Variants in EPHA6 observed in about 807,000 individuals in gnomAD.
EPHA6 encodes EPH receptor A6.
EPHA6 carries 50 observed loss-of-function variants against 112.0 expected under a neutral mutation model. That is an observed-to-expected ratio of 0.45 (90% CI 0.36 to 0.56). The LOEUF (loss-of-function observed/expected upper bound fraction) is 0.56. EPHA6 is among the 20% of genes least tolerant of loss of function. EPHA6 has a pLI of 0.00. For missense variants in EPHA6, 1,280 were observed against 1,417.4 expected, an observed-to-expected ratio of 0.90 and a Z score of 1.56; for synonymous variants, 529 against 490.7, an observed-to-expected ratio of 1.08 and a Z score of -1.03.
intron 1 of EPHA6, among the ~76,000 whole-genome samples, chr3:96,816,974 C>T (rs1331599546): frequency 6.6e-6 from 1 of 151,836 alleles, no homozygotes; most frequent in Non-Finnish European, 1.5e-5. Context: ...TATTAATTAG[C>T]TAAACTTAGT....
chr3:96,913,193 CACACACACACACACACACACCA>C (rs1422279727), intron 2 of EPHA6, among the ~76,000 whole-genome samples: 7 of 137,674 alleles, frequency 5.1e-5, no homozygotes, highest in South Asian at 2.5e-4. Flanking sequence ...CACACACACA[CACACACACACACACACACACCA>C]CACACACGGG....
intron 5 of EPHA6, among the ~76,000 whole-genome samples, chr3:97,398,359 A>T (rs1207637138): frequency 4.0e-5 from 6 of 151,554 alleles, no homozygotes. Flanking sequence ...GTTATAATTT[A>T]TCCATCAAGC....
At chr3:97,661,127 G>A (rs372801424) in intron 14 of EPHA6, among the ~76,000 whole-genome samples, 3 of 152,056 alleles carry the variant, frequency 2.0e-5, no homozygotes, top group Admixed American at 6.6e-5. Flanking sequence ...ACATCTCTTT[G>A]TGTGGTGCTG....
intron 12 of EPHA6, among the ~76,000 whole-genome samples, chr3:97,595,622 G>T (rs185829931): frequency 6.6e-6 from 1 of 151,472 alleles, no homozygotes; most frequent in African/African-American, 2.4e-5. Context: ...TCCAGCCTGG[G>T]CAATAAAAGC....
chr3:97,563,256 T>C (rs1402121908), intron 11 of EPHA6, among the ~76,000 whole-genome samples: 3 of 152,118 alleles, frequency 2.0e-5, no homozygotes, highest in Non-Finnish European at 4.4e-5. Context: ...GAGGAAAGGC[T>C]TATTGGAGAA....
At chr3:97,013,490 G>A (rs1576321942) in intron 3 of EPHA6, among the ~76,000 whole-genome samples, 1 of 152,068 alleles carries the variant, frequency 6.6e-6, no homozygotes, top group East Asian at 1.9e-4. Context: ...AATATTTACT[G>A]TGTACCCACT....
chr3:97,430,289 A>G (rs1401562562), intron 6 of EPHA6, among the ~76,000 whole-genome samples: 1 of 152,150 alleles, frequency 6.6e-6, no homozygotes, highest in East Asian at 1.9e-4. Flanking sequence ...TGAATATGGC[A>G]ACTATGGAAG....
At chr3:96,902,007 A>C (rs1165886242) in intron 2 of EPHA6, among the ~76,000 whole-genome samples, 2 of 152,222 alleles carry the variant, frequency 1.3e-5, no homozygotes, top group Non-Finnish European at 2.9e-5. Context: ...ATTCTGGCTT[A>C]CTACAGAGGA....
At chr3:97,526,166 A>T (rs949976177) in intron 10 of EPHA6, among the ~76,000 whole-genome samples, 5 of 152,198 alleles carry the variant, frequency 3.3e-5, no homozygotes, top group African/African-American at 1.2e-4. Flanking sequence ...CCATTTAAAG[A>T]TCCACAATGG....
chr3:96,858,369 A>G (rs141343977), intron 1 of EPHA6, among the ~76,000 whole-genome samples: 14 of 152,262 alleles, frequency 9.2e-5, no homozygotes, highest in African/African-American at 3.1e-4. Context: ...TTGACCAAGC[A>G]TACAGTATTA....
intron 10 of EPHA6, among the ~76,000 whole-genome samples, chr3:97,525,663 T>A (rs890149923): frequency 7.9e-5 from 12 of 152,164 alleles, no homozygotes; most frequent in African/African-American, 2.9e-4. Context: ...TCCTAATAGG[T>A]CTGCAGGTTG....
chr3:97,719,961 A>C (rs537120322), intron 14 of EPHA6, among the ~76,000 whole-genome samples: 69 of 152,340 alleles, frequency 4.5e-4, no homozygotes, highest in African/African-American at 1.6e-3. Context: ...AACTTTCTTC[A>C]AATGGCATTA....
chr3:96,926,386 C>T (rs2040037185), intron 2 of EPHA6, among the ~76,000 whole-genome samples: 1 of 152,064 alleles, frequency 6.6e-6, no homozygotes, highest in Non-Finnish European at 1.5e-5. Flanking sequence ...TCATTCCATC[C>T]CTGCCCCCCT....
intron 10 of EPHA6, among the ~76,000 whole-genome samples, chr3:97,496,593 T>C (rs1326732554): frequency 6.6e-6 from 1 of 152,162 alleles, no homozygotes; most frequent in Non-Finnish European, 1.5e-5. Flanking sequence ...AATATCTTCT[T>C]CTGGCACTTG....
At chr3:97,094,095 C>G (rs556855374) in intron 3 of EPHA6, among the ~76,000 whole-genome samples, 101 of 152,280 alleles carry the variant, frequency 6.6e-4, no homozygotes, top group Non-Finnish European at 1.2e-3. Flanking sequence ...AAGGAGTTCA[C>G]TCTCTGCTAT....
chr3:97,054,173 C>CAG (rs1000591749), intron 3 of EPHA6, among the ~76,000 whole-genome samples: 21 of 150,472 alleles, frequency 1.4e-4, no homozygotes, highest in Middle Eastern at 3.4e-3. Context: ...AACACACACA[C>CAG]ACACACACAC....
chr3:96,918,782 A>T (rs1164788254), intron 2 of EPHA6, among the ~76,000 whole-genome samples: 1 of 152,002 alleles, frequency 6.6e-6, no homozygotes, highest in African/African-American at 2.4e-5. Context: ...GGATTTTGAT[A>T]CACAGCATTT....
chr3:97,075,592 A>G (rs571791213), intron 3 of EPHA6, among the ~76,000 whole-genome samples: 1 of 152,200 alleles, frequency 6.6e-6, no homozygotes, highest in East Asian at 1.9e-4. Context: ...TAGAGGATAC[A>G]TGTATAATGG....
At position 97,248,826 on chromosome 3, in the gene EPHA6, G is replaced by T. The variant is rs185109644; in HGVS notation, c.1606+4539G>T. ...ATTTATAAACTTGAGATGTCTATTT[G>T]GTTTACAGTTCACTGGATTTTAGAA... On this transcript the variant is annotated intron_variant, in intron 5 of 17. Transcript: ENST00000389672. Among the ~76,000 whole-genome samples the T allele has an allele frequency of 1.7e-3, 260 of 152,106 alleles. 1 individual carries two copies. The highest frequency in any genetic ancestry group is 2.8e-3 in the Non-Finnish European group (193 of 67,920).
Sources: gnomAD v4.1 joint callset for allele counts (sites outside exome capture counted in the v4.1 genomes callset) on GRCh38, gnomAD v4.1.1 for gene constraint, MANE v1.5 for transcripts, NCBI Gene and HGNC (gene_info 2026-07-23, HGNC 2026-07-21) for gene names.